The following CPA6 variants were observed in gnomAD, a reference collection of about 807,000 sequenced individuals.
The protein encoded by CPA6 is carboxypeptidase A6.
CPA6 carries 58 observed loss-of-function variants against 63.3 expected under a neutral mutation model. That is an observed-to-expected ratio of 0.92 (90% confidence interval 0.74 to 1.14). CPA6 has a LOEUF of 1.14. Ranked by LOEUF, CPA6 falls within the 50% of genes most tolerant of loss-of-function variation. The pLI is 0.00. For synonymous variants in CPA6, 185 were observed against 179.0 expected (o/e 1.03, Z -0.27); for missense variants, 565 against 526.6 (o/e 1.07, Z -0.71).
chr8:67,447,081 T>TATATACACAC (rs1563956471), intron 8 of CPA6, among the ~76,000 whole-genome samples: 6 of 105,114 alleles, frequency 5.7e-5, no homozygotes, highest in Non-Finnish European at 1.1e-4. Context: ...TATATACACA[T>TATATACACAC]ATATATACAC....
At chr8:67,595,326 C>T (rs1440954338) in intron 2 of CPA6, among the ~76,000 whole-genome samples, 1 of 152,216 alleles carries the variant, frequency 6.6e-6, no homozygotes, top group African/African-American at 2.4e-5. Flanking sequence ...GCTCGGGGGT[C>T]AGGGGTCAGG....
intron 6 of CPA6, among the ~76,000 whole-genome samples, chr8:67,488,993 G>T (rs915430782): frequency 1.3e-5 from 2 of 152,150 alleles, no homozygotes; most frequent in African/African-American, 2.4e-5. Context: ...CATGTCATCT[G>T]CAAATAGGGA....
In CPA6 at chr8:67,733,717, G is replaced by A. The variant is rs1335911736; in HGVS notation, c.116+12297C>T. On this transcript the variant is annotated intron_variant, in intron 1 of 10. Coordinates refer to ENST00000297770, the MANE Select transcript of CPA6 (RefSeq NM_020361.5). Reference sequence around the variant, plus strand: ...GCACATAGTAGGCACTCAATGAATAGTGCTGACTGAATACACAAGGTATTG... The same window carrying A: ...GCACATAGTAGGCACTCAATGAATAATGCTGACTGAATACACAAGGTATTG... 2.0e-5 allele frequency among the ~76,000 whole-genome samples: 3 copies of A among 151,982 alleles called. No homozygotes were observed. The East Asian group carries it at 5.8e-4, about 29-fold the overall frequency.
At chr8:67,522,143 C>CT (rs1487258693) in intron 2 of CPA6, among the ~76,000 whole-genome samples, 4 of 152,006 alleles carry the variant, frequency 2.6e-5, no homozygotes, top group Non-Finnish European at 5.9e-5. Context: ...TCCTTGATGC[C>CT]TTTTAGCTAA....
At chr8:67,508,698 G>A (rs1349648212) in intron 5 of CPA6, among the ~76,000 whole-genome samples, 1 of 152,126 alleles carries the variant, frequency 6.6e-6, no homozygotes, top group Non-Finnish European at 1.5e-5. Context: ...AGGCTGGTGA[G>A]TCAAAGTCTG....
chr8:67,725,549 G>A (rs1212456249), intron 1 of CPA6, among the ~76,000 whole-genome samples: 1 of 152,098 alleles, frequency 6.6e-6, no homozygotes, highest in Non-Finnish European at 1.5e-5. Context: ...TAGAGATGGA[G>A]TCACTCTGTC....
intron 1 of CPA6, among the ~76,000 whole-genome samples, chr8:67,698,488 T>G (rs545481841): frequency 6.6e-6 from 1 of 152,328 alleles, no homozygotes; most frequent in South Asian, 2.1e-4. Context: ...TATTATTGTG[T>G]GCTATAAAAC....
intron 2 of CPA6, among the ~76,000 whole-genome samples, chr8:67,528,367 C>T (rs904207895): frequency 6.6e-6 from 1 of 152,036 alleles, no homozygotes; most frequent in African/African-American, 2.4e-5. Context: ...GATAGAAGAG[C>T]AGAGAGAGAG....
intron 8 of CPA6, among the ~76,000 whole-genome samples, chr8:67,475,180 T>C (rs572512142): frequency 6.6e-6 from 1 of 152,348 alleles, no homozygotes; most frequent in East Asian, 1.9e-4. Flanking sequence ...GTGACATTGT[T>C]ACTTGTAGGA....
At chr8:67,740,866 G>T (rs1817899649) in intron 1 of CPA6, among the ~76,000 whole-genome samples, 1 of 152,036 alleles carries the variant, frequency 6.6e-6, no homozygotes, top group Non-Finnish European at 1.5e-5. Context: ...CACCGTGCCT[G>T]GCCCCAAACT....
chr8:67,626,093 G>GT (rs1815188914), intron 1 of CPA6, among the ~76,000 whole-genome samples: 1 of 152,172 alleles, frequency 6.6e-6, no homozygotes, highest in African/African-American at 2.4e-5. Context: ...TGCTATGATT[G>GT]TAAGTTTCCT....
At chr8:67,530,982 A>G (rs902749224) in intron 2 of CPA6, among the ~76,000 whole-genome samples, 1 of 152,364 alleles carries the variant, frequency 6.6e-6, no homozygotes. Flanking sequence ...ATGAGCATTC[A>G]AGCCACTATA....
rs1057415249 is a variant in CPA6 at position 67,665,621 on chromosome 8, C to T, written c.117-41370G>A. ...CTTCTTGCTTCTTTCTAGACTCCCA[C>T]ATGTATGGCATTTTTCTTTTTATGG... On this transcript the variant is annotated intron_variant, in intron 1 of 10. Transcript: ENST00000297770. Among the ~76,000 whole-genome samples the T allele has an allele frequency of 3.3e-5, 5 of 152,342 alleles. No individual in the cohort carries two copies. In the South Asian group the frequency reaches 8.3e-4, roughly 25 times the overall value.
intron 3 of CPA6, among the ~76,000 whole-genome samples, chr8:67,513,937 T>G (rs73264794): frequency 0.095 from 14,455 of 151,952 alleles, 1,766 homozygotes; most frequent in African/African-American, 0.29. Flanking sequence ...AGTTTCCAGG[T>G]TGGGGAGGGA....
At chr8:67,684,971 G>A (rs1816681800) in intron 1 of CPA6, among the ~76,000 whole-genome samples, 1 of 152,034 alleles carries the variant, frequency 6.6e-6, no homozygotes, top group East Asian at 1.9e-4. Context: ...CCTGCTCCTT[G>A]GCTATACATT....
chr8:67,450,437 C>G (rs1810529738), intron 8 of CPA6, among the ~76,000 whole-genome samples: 1 of 152,144 alleles, frequency 6.6e-6, no homozygotes, highest in African/African-American at 2.4e-5. Context: ...AATTTCCATC[C>G]TCTCTGTAGA....
At chr8:67,506,956 A>C in intron 5 of CPA6, 68 bp from the exon 6 acceptor site, 1 of 1,113,724 alleles carries the variant, frequency 9.0e-7, no homozygotes, top group South Asian at 1.2e-5. Flanking sequence ...TAATTTAATA[A>C]GGTTTCAGCA....
At chr8:67,548,885 G>C (rs1206275533) in intron 2 of CPA6, among the ~76,000 whole-genome samples, 2 of 152,172 alleles carry the variant, frequency 1.3e-5, no homozygotes, top group Admixed American at 1.3e-4. Flanking sequence ...TCGAGTCAGG[G>C]TCACCTGTAG....
At chr8:67,712,092 G>A (rs1012622185) in intron 1 of CPA6, among the ~76,000 whole-genome samples, 1 of 152,114 alleles carries the variant, frequency 6.6e-6, no homozygotes, top group Non-Finnish European at 1.5e-5. Flanking sequence ...TTGTGCCACC[G>A]AGCTCGACCT....
Sources: gnomAD v4.1 joint callset for allele counts (sites outside exome capture counted in the v4.1 genomes callset) on GRCh38, gnomAD v4.1.1 for gene constraint, MANE v1.5 for transcripts, NCBI Gene and HGNC (gene_info 2026-07-23, HGNC 2026-07-21) for gene names.